HS2ST1: variants seen among roughly 807,000 people sequenced by gnomAD.
HS2ST1 encodes 2-O-sulfotransferase.
Under a neutral mutation model 42.9 loss-of-function variants are expected in HS2ST1, and 18 were observed. The observed-to-expected ratio is 0.42, with a 90% confidence interval of 0.29 to 0.62. The LOEUF (loss-of-function observed/expected upper bound fraction) is 0.62. HS2ST1 is among the 20% of genes least tolerant of loss of function. The pLI, the probability that HS2ST1 is intolerant of heterozygous loss-of-function variation, is 0.21. For synonymous variants in HS2ST1, 146 were observed against 152.9 expected, an observed-to-expected ratio of 0.95 and a Z score of 0.33; for missense variants, 334 against 433.8, an observed-to-expected ratio of 0.77 and a Z score of 2.04.
At chr1:87,044,913 T>A in intron 1 of HS2ST1, 1 of 1,501,288 alleles carries the variant, frequency 6.7e-7, no homozygotes. Flanking sequence ...GAGGGCTCTG[T>A]TTAGAGGCAT....
chr1:87,023,211 G>A lies in HS2ST1; in HGVS notation c.125-49723G>A, dbSNP rs138739146. Among the ~76,000 whole-genome samples, 1,089 of 152,176 alleles carry A rather than the reference G, an allele frequency of 7.2e-3. 12 individuals are homozygous for A. The highest frequency in any genetic ancestry group is 0.025 in the African/African-American group (1,040 of 41,522). On this transcript the variant is annotated intron_variant, in intron 1 of 6. Coordinates refer to ENST00000370550, the MANE Select transcript of HS2ST1 (RefSeq NM_012262.4). The stretch of plus-strand genomic sequence containing the variant: ...GGAAAAAATATACAAAATTTTAAAT[G>A]TACATGCCCTTTTAAAAATCTGCAA...
chr1:87,006,492 TATC>T (rs2100574013), intron 1 of HS2ST1, among the ~76,000 whole-genome samples: 1 of 152,252 alleles, frequency 6.6e-6, no homozygotes, highest in African/African-American at 2.4e-5. Context: ...TGAAGCCTAT[TATC>T]ATGAGATTGT....
At chr1:86,962,532 T>C (rs1414140539) in intron 1 of HS2ST1, among the ~76,000 whole-genome samples, 1 of 152,218 alleles carries the variant, frequency 6.6e-6, no homozygotes, top group Non-Finnish European at 1.5e-5. Flanking sequence ...GAGCCTCCCC[T>C]TGAAGTAGTT....
chr1:86,991,671 G>A (rs1648955958), intron 1 of HS2ST1, among the ~76,000 whole-genome samples: 2 of 152,140 alleles, frequency 1.3e-5, no homozygotes, highest in South Asian at 2.1e-4. Flanking sequence ...TCTCAAGTAT[G>A]CCACTTCCTT....
At chr1:87,085,768 A>G (rs568353040) in intron 3 of HS2ST1, among the ~76,000 whole-genome samples, 31 of 152,326 alleles carry the variant, frequency 2.0e-4, no homozygotes, top group African/African-American at 6.5e-4. Context: ...CTAATAGTCT[A>G]GGTTTTCATT....
intron 1 of HS2ST1, among the ~76,000 whole-genome samples, chr1:87,057,326 A>G (rs1422752256): frequency 6.6e-6 from 1 of 152,186 alleles, no homozygotes; most frequent in Non-Finnish European, 1.5e-5. Context: ...AGCAAGTTTC[A>G]GAATGCTGGC....
chr1:87,051,390 T>G lies in HS2ST1; in HGVS notation c.125-21544T>G, dbSNP rs1160241376. On this transcript the variant is annotated intron_variant, in intron 1 of 6. Coordinates refer to ENST00000370550, the MANE Select transcript of HS2ST1 (RefSeq NM_012262.4). The stretch of plus-strand genomic sequence containing the variant: ...TATCCCCATTAATTTTATCAACCCA[T>G]ACCTTTTCATAATGATCATAATTTT... Among the ~76,000 whole-genome samples, 5 of 152,196 alleles carry G rather than the reference T, an allele frequency of 3.3e-5. No individual in the cohort carries two copies. In the East Asian group the frequency reaches 9.6e-4, roughly 29 times the overall value.
intron 1 of HS2ST1, among the ~76,000 whole-genome samples, chr1:87,047,646 C>T (rs1223126977): frequency 1.3e-5 from 2 of 152,030 alleles, no homozygotes; most frequent in Non-Finnish European, 2.9e-5. Context: ...CCAGTTGTTC[C>T]CATACTATTT....
chr1:86,988,936 G>A (rs1027904467), intron 1 of HS2ST1, among the ~76,000 whole-genome samples: 2 of 152,152 alleles, frequency 1.3e-5, no homozygotes, highest in African/African-American at 2.4e-5. Flanking sequence ...GGAATACTTC[G>A]GATTTCTGTA....
At chr1:86,916,124 G>A (rs1359902022) in intron 1 of HS2ST1, among the ~76,000 whole-genome samples, 1 of 152,128 alleles carries the variant, frequency 6.6e-6, no homozygotes, top group Non-Finnish European at 1.5e-5. Context: ...GATTAATAGG[G>A]CACTTTGGCA....
At chr1:87,072,824 G>GTTTTTTGTTTTC in intron 1 of HS2ST1, 110 bp from the exon 2 acceptor site, 1 of 776,104 alleles carries the variant, frequency 1.3e-6, no homozygotes, top group Non-Finnish European at 2.1e-6. Flanking sequence ...CTTTGCTTTT[G>GTTTTTTGTTTTC]TTTTTTGTTT....
chr1:86,924,296 C>T (rs747959637), intron 1 of HS2ST1, among the ~76,000 whole-genome samples: 1 of 152,234 alleles, frequency 6.6e-6, no homozygotes, highest in Non-Finnish European at 1.5e-5. Context: ...TGGCTACTTT[C>T]ACAGGCTGGC....
intron 1 of HS2ST1, among the ~76,000 whole-genome samples, chr1:87,016,904 T>C (rs561010905): frequency 2.6e-5 from 4 of 152,032 alleles, no homozygotes; most frequent in Admixed American, 1.3e-4. Context: ...TTGGGGTCAA[T>C]TTTTATGACA....
At chr1:86,919,188 G>T (rs1167373328) in intron 1 of HS2ST1, among the ~76,000 whole-genome samples, 2 of 151,794 alleles carry the variant, frequency 1.3e-5, no homozygotes, top group African/African-American at 4.8e-5. Flanking sequence ...CAAGTGATCT[G>T]CCCCCCTCTG....
intron 3 of HS2ST1, among the ~76,000 whole-genome samples, chr1:87,092,187 TGA>T (rs1557543227): frequency 6.6e-6 from 1 of 152,032 alleles, no homozygotes. Context: ...GGTACTAATT[TGA>T]GAGGGGATTT....
intron 5 of HS2ST1, among the ~76,000 whole-genome samples, chr1:87,101,149 G>GTGTTTTTTTTTTTTTTTTTTTTTTTTT (rs1557546421): frequency 1.7e-5 from 1 of 59,540 alleles, no homozygotes; most frequent in Non-Finnish European, 3.0e-5. Flanking sequence ...GTGTGTGTGT[G>GTGTTTTTTTTTTTTTTTTTTTTTTTTT]TTTTTTGTTT....
At chr1:87,102,597 T>C (rs1652239473) in intron 5 of HS2ST1, among the ~76,000 whole-genome samples, 1 of 152,240 alleles carries the variant, frequency 6.6e-6, no homozygotes, top group South Asian at 2.1e-4. Context: ...TCTGGCCTTT[T>C]ATATAAAAAG....
At chr1:86,949,214 TTC>T (rs1247687346) in intron 1 of HS2ST1, among the ~76,000 whole-genome samples, 1 of 152,184 alleles carries the variant, frequency 6.6e-6, no homozygotes, top group African/African-American at 2.4e-5. Context: ...GTTCAAGTGA[TTC>T]TCTCACCTCA....
At chr1:86,964,016 A>G (rs1365343787) in intron 1 of HS2ST1, among the ~76,000 whole-genome samples, 1 of 142,198 alleles carries the variant, frequency 7.0e-6, no homozygotes, top group South Asian at 2.4e-4. Context: ...CCGGGCAGAG[A>G]CGCTCCTCAC....
Sources: gnomAD v4.1 joint callset for allele counts (sites outside exome capture counted in the v4.1 genomes callset) on GRCh38, gnomAD v4.1.1 for gene constraint, MANE v1.5 for transcripts, NCBI Gene and HGNC (gene_info 2026-07-23, HGNC 2026-07-21) for gene names.